The following NCOA2 variants were observed in gnomAD, a reference collection of about 807,000 sequenced individuals.
The protein encoded by NCOA2 is class E basic helix-loop-helix protein 75.
Under a neutral mutation model 145.1 loss-of-function variants are expected in NCOA2, and 21 were observed. That is an observed-to-expected ratio of 0.14 (90% confidence interval 0.10 to 0.21). The LOEUF is 0.21. Among genes scored for constraint, NCOA2 ranks in the 10% least tolerant of loss-of-function variants. NCOA2 has a pLI of 1.00. For missense variants in NCOA2, 1,472 were observed against 1,837.6 expected, an observed-to-expected ratio of 0.80 and a Z score of 3.64; for synonymous variants, 619 against 637.5, an observed-to-expected ratio of 0.97 and a Z score of 0.44.
At chr8:70,356,147 T>G (rs1399651126) in intron 1 of NCOA2, among the ~76,000 whole-genome samples, 2 of 152,148 alleles carry the variant, frequency 1.3e-5, no homozygotes, top group East Asian at 3.9e-4. Flanking sequence ...AATTTTATAA[T>G]CCATGTCTCC....
rs1806624446 is a variant in NCOA2, at chr8:70,112,436, G to C, written c.*1196C>G. 5.1e-6 allele frequency: 1 copy of C among 195,926 alleles called. No individual in the cohort carries two copies. Among genetic ancestry groups the C allele is most frequent in the Non-Finnish European group, 1.1e-5 (1 of 94,284 alleles). 12.1% of individuals were successfully genotyped at this position (195,926 alleles called of 1,614,324 possible). ...ATGTACCTTACAAAACTTCGGCTTA[G>C]TCAGCACTGCTAAAAAACAAAATAA... On this transcript the variant is annotated 3_prime_UTR_variant, in exon 23 of 23. Coordinates refer to ENST00000452400, the MANE Select transcript of NCOA2 (RefSeq NM_006540.4).
At chr8:70,194,998 T>TAG (rs1272399125) in intron 4 of NCOA2, among the ~76,000 whole-genome samples, 2 of 152,220 alleles carry the variant, frequency 1.3e-5, no homozygotes, top group African/African-American at 4.8e-5. Context: ...TGTGTGACTC[T>TAG]AGAGAAGTCT....
intron 1 of NCOA2, among the ~76,000 whole-genome samples, chr8:70,351,203 G>C (rs1477829554): frequency 2.0e-5 from 3 of 152,194 alleles, no homozygotes; most frequent in African/African-American, 7.2e-5. Flanking sequence ...GAGTTTTAGA[G>C]AGGGCATTGA....
At chr8:70,233,313 T>C (rs1821316742) in intron 2 of NCOA2, among the ~76,000 whole-genome samples, 1 of 152,208 alleles carries the variant, frequency 6.6e-6, no homozygotes, top group Non-Finnish European at 1.5e-5. Context: ...AAATTCAGTA[T>C]TATTTCTGCA....
Position 70,282,686 on chromosome 8 carries a change from C to CAAAA in NCOA2, c.-20+14054_-20+14057dup, listed in dbSNP as rs550448805. Among the ~76,000 whole-genome samples the CAAAA allele has an allele frequency of 7.6e-4, 74 of 97,236 alleles. 1 individual carries two copies. The highest frequency in any genetic ancestry group is 5.7e-3 in the Middle Eastern group (1 of 176). 63.8% of individuals were successfully genotyped at this position (97,236 alleles called of 152,430 possible). On this transcript the variant is annotated intron_variant, in intron 2 of 22. Transcript: ENST00000452400. ...CTGGGCAAAAAGAGCAAAACTGCCT[C>CAAAA]AAAAAAAAAAAAAAAAAAGTAGCCA...
chr8:70,124,172 C>T, intron 20 of NCOA2, 90 bp from the exon 21 acceptor site: 1 of 1,242,110 alleles, frequency 8.1e-7, no homozygotes, highest in Non-Finnish European at 1.1e-6. Flanking sequence ...CAGGCGTTTA[C>T]TCTGAGTGAA....
chr8:70,126,644 G>C (rs1808450370), intron 19 of NCOA2, 169 bp downstream of exon 19: 1 of 629,600 alleles, frequency 1.6e-6, no homozygotes, highest in African/African-American at 1.8e-5. Context: ...CTGGACTTGG[G>C]GACTCCTCAC....
At position 70,164,523 on chromosome 8, in the gene NCOA2, CT is replaced by C. The variant is rs570163988; in HGVS notation, c.731-958del. Among the ~76,000 whole-genome samples the C allele has an allele frequency of 1.3e-4, 20 of 152,184 alleles. No individual in the cohort carries two copies. The East Asian group carries it at 3.9e-3, about 29-fold the overall frequency. On this transcript the variant is annotated intron_variant, in intron 7 of 22. Coordinates refer to ENST00000452400, the MANE Select transcript of NCOA2 (RefSeq NM_006540.4). The stretch of plus-strand genomic sequence containing the variant: ...AATATCAGGCTGCCTCAATTTCATC[CT>C]CCACAGGTATTCATGCTGTAAGGCG...
intron 15 of NCOA2, among the ~76,000 whole-genome samples, chr8:70,135,273 C>G (rs2131657981): frequency 6.6e-6 from 1 of 152,296 alleles, no homozygotes; most frequent in East Asian, 1.9e-4. Context: ...TTTCTCCTCT[C>G]AGCATTAAAC....
intron 1 of NCOA2, among the ~76,000 whole-genome samples, chr8:70,374,155 A>T (rs1811461005): frequency 6.6e-6 from 1 of 152,194 alleles, no homozygotes; most frequent in South Asian, 2.1e-4. Flanking sequence ...TCCCATTTTC[A>T]TTAAATCAAG....
chr8:70,286,254 A>C (rs1453274835), intron 2 of NCOA2, among the ~76,000 whole-genome samples: 2 of 152,154 alleles, frequency 1.3e-5, no homozygotes, highest in Non-Finnish European at 2.9e-5. Flanking sequence ...TCTACAAAAA[A>C]ATAAAAAATT....
At chr8:70,293,906 T>C (rs951709579) in intron 2 of NCOA2, among the ~76,000 whole-genome samples, 16 of 152,184 alleles carry the variant, frequency 1.1e-4, no homozygotes, top group East Asian at 7.7e-4. Context: ...CCATTTTTCA[T>C]ATACTCAAAT....
chr8:70,276,600 T>A (rs1825485977), intron 2 of NCOA2, among the ~76,000 whole-genome samples: 1 of 152,194 alleles, frequency 6.6e-6, no homozygotes, highest in Non-Finnish European at 1.5e-5. Flanking sequence ...TATAAGGGGC[T>A]TCTCCCTTCA....
At chr8:70,188,324 AG>A (rs1448141192) in intron 4 of NCOA2, among the ~76,000 whole-genome samples, 3 of 152,242 alleles carry the variant, frequency 2.0e-5, no homozygotes, top group African/African-American at 7.2e-5. Context: ...TGTATTGCCA[AG>A]GAAAATATTT....
chr8:70,302,434 C>G (rs1827582234), intron 1 of NCOA2, among the ~76,000 whole-genome samples: 1 of 152,114 alleles, frequency 6.6e-6, no homozygotes, highest in Non-Finnish European at 1.5e-5. Context: ...AAGGCTATAC[C>G]TCCACTGCAG....
chr8:70,128,452 C>G lies in NCOA2; in HGVS notation c.3662G>C (p.Arg1221Thr), dbSNP rs779235014. ...SNVSNVNLTL[R>T]PGVPTQAPIN... ...CCTTACCTGTGTTGGTACTCCAGGCCTCAGAGTCAAGTTCACATTGGAAAC... is the reference window on the plus strand; with the variant it reads ...CCTTACCTGTGTTGGTACTCCAGGCGTCAGAGTCAAGTTCACATTGGAAAC... Residue 1221 changes from arginine to threonine, a missense_variant, in exon 18 of 23, where the codon AGG (arginine) becomes ACG (threonine). Coordinates refer to ENST00000452400, the MANE Select transcript of NCOA2 (RefSeq NM_006540.4). The G allele has an allele frequency of 1.2e-6, 2 of 1,612,682 alleles. No homozygotes were observed. Among genetic ancestry groups the G allele is most frequent in the Non-Finnish European group, 1.7e-6 (2 of 1,179,426 alleles).
intron 2 of NCOA2, among the ~76,000 whole-genome samples, chr8:70,237,099 A>C (rs1821686029): frequency 1.3e-5 from 2 of 152,256 alleles, no homozygotes; most frequent in African/African-American, 4.8e-5. Flanking sequence ...ACAAACTGCT[A>C]TCGAGTTTGA....
chr8:70,225,331 T>C (rs1404715037), intron 2 of NCOA2, among the ~76,000 whole-genome samples: 1 of 151,902 alleles, frequency 6.6e-6, no homozygotes, highest in Non-Finnish European at 1.5e-5. Context: ...AGGTGGACCA[T>C]GAAGTCAGAC....
At chr8:70,195,528 G>T (rs1455162018) in intron 4 of NCOA2, among the ~76,000 whole-genome samples, 3 of 152,168 alleles carry the variant, frequency 2.0e-5, no homozygotes, top group Non-Finnish European at 2.9e-5. Context: ...TGTCAGCCTA[G>T]AGGGAATTCT....
Sources: allele counts gnomAD v4.1 joint callset (sites outside exome capture counted in the v4.1 genomes callset), GRCh38; gene constraint gnomAD v4.1.1; transcripts MANE v1.5; gene names NCBI Gene and HGNC (gene_info 2026-07-23, HGNC 2026-07-21).